FRMD4B: variants seen among roughly 807,000 people sequenced by gnomAD.
FRMD4B encodes the protein FERM domain containing 4B, also known as FERM domain-containing protein 4B.
FRMD4B carries 74 observed loss-of-function variants against 141.5 expected under a neutral mutation model. The ratio of observed to expected loss-of-function variants is 0.52; its 90% confidence interval spans 0.43 to 0.63. FRMD4B has a LOEUF of 0.63. Among genes scored for constraint, FRMD4B ranks in the 30% least tolerant of loss-of-function variants. The probability of loss-of-function intolerance (pLI) is 0.00; values close to 1 mark genes in which losing one functional copy is unlikely to be tolerated. For missense variants in FRMD4B, 1,366 were observed against 1,253.4 expected (o/e 1.09, Z -1.36); for synonymous variants, 506 against 467.9 (o/e 1.08, Z -1.05).
At chr3:69,278,656 G>A (rs1266214231) in intron 5 of FRMD4B, among the ~76,000 whole-genome samples, 2 of 148,564 alleles carry the variant, frequency 1.3e-5, no homozygotes, top group Non-Finnish European at 3.0e-5. Context: ...GCGCAATCTC[G>A]GCTTACTGCA....
intron 7 of FRMD4B, among the ~76,000 whole-genome samples, chr3:69,230,892 A>G (rs1483433336): frequency 6.6e-6 from 1 of 152,238 alleles, no homozygotes; most frequent in African/African-American, 2.4e-5. Flanking sequence ...TACACACATC[A>G]TGAATGTCAC....
Position 69,486,643 on chromosome 3 carries a change from T to C in FRMD4B, c.-128-53882A>G, listed in dbSNP as rs1706220675. ...TGGAAAGAAAAGGGGGGAAAATGTT[T>C]ATAAGGAGAAGGGAGAGACAGTGGC... On this transcript the variant is annotated intron_variant, in intron 1 of 5. Transcript: ENST00000459638. Among the ~76,000 whole-genome samples the C allele has an allele frequency of 1.3e-5, 2 of 152,092 alleles. 1 individual carries two copies. The highest frequency in any genetic ancestry group is 4.1e-4 in the South Asian group (2 of 4,832).
In FRMD4B at chr3:69,245,834, G is replaced by GTTTTTTTT. The variant is rs1183774603; in HGVS notation, c.581+3384_581+3391dup. ...GTCTGCGAACGTGCCAGGCTAATTT[G>GTTTTTTTT]TTTTTTTTTTTTTTTTTTTTTTGAG... On this transcript the variant is annotated intron_variant, in intron 7 of 22. Transcript: ENST00000398540. Among the ~76,000 whole-genome samples, 33 of 78,342 alleles carry GTTTTTTTT rather than the reference G, an allele frequency of 4.2e-4. 1 individual carries two copies. Among genetic ancestry groups the GTTTTTTTT allele is most frequent in the Non-Finnish European group, 5.5e-4 (23 of 42,134 alleles). 51.4% of individuals were successfully genotyped at this position (78,342 alleles called of 152,430 possible).
intron 7 of FRMD4B, among the ~76,000 whole-genome samples, chr3:69,229,550 G>C (rs188672857): frequency 5.3e-5 from 8 of 152,146 alleles, no homozygotes; most frequent in Non-Finnish European, 1.2e-4. Flanking sequence ...CACTAAAAGA[G>C]AAAGCCAGCA....
intron 2 of FRMD4B, among the ~76,000 whole-genome samples, chr3:69,423,080 C>G (rs1192387597): frequency 6.6e-6 from 1 of 152,210 alleles, no homozygotes; most frequent in Non-Finnish European, 1.5e-5. Context: ...AGTCAGTCCT[C>G]ATTATTTACA....
chr3:69,219,089 C>A (rs571637689), intron 9 of FRMD4B, among the ~76,000 whole-genome samples: 2 of 145,416 alleles, frequency 1.4e-5, no homozygotes, highest in Non-Finnish European at 3.0e-5. Context: ...TGCTTGAATT[C>A]GGGAGGTGGA....
chr3:69,189,273 A>C (rs1365008432), intron 18 of FRMD4B, among the ~76,000 whole-genome samples: 1 of 151,472 alleles, frequency 6.6e-6, no homozygotes, highest in East Asian at 1.9e-4. Context: ...AAATGTATTG[A>C]ACAAATACAG....
At chr3:69,516,671 A>G (rs1246078224) in intron 1 of FRMD4B, among the ~76,000 whole-genome samples, 5 of 152,246 alleles carry the variant, frequency 3.3e-5, no homozygotes, top group Admixed American at 3.3e-4. Flanking sequence ...GTAATTTGTC[A>G]TGGTAGCAAT....
upstream of FRMD4B, among the ~76,000 whole-genome samples, chr3:69,389,129 G>A (rs542617488): frequency 4.6e-5 from 7 of 151,406 alleles, no homozygotes; most frequent in South Asian, 1.5e-3. Context: ...CGCCTCCCGG[G>A]TTCAAGTGAT....
chr3:69,498,439 TGA>T (rs567977140), intron 1 of FRMD4B, among the ~76,000 whole-genome samples: 14 of 151,084 alleles, frequency 9.3e-5, no homozygotes, highest in African/African-American at 1.7e-4. Context: ...TGTGTGTGCA[TGA>T]GAGAGAGAGA....
chr3:69,233,155 C>T (rs1243575858), intron 7 of FRMD4B, among the ~76,000 whole-genome samples: 3 of 151,982 alleles, frequency 2.0e-5, no homozygotes, highest in Non-Finnish European at 2.9e-5. Flanking sequence ...ATGGAAACAG[C>T]TACAGAAGCT....
chr3:69,427,658 T>G (rs1285592995), intron 2 of FRMD4B, among the ~76,000 whole-genome samples: 28 of 127,058 alleles, frequency 2.2e-4, no homozygotes, highest in Non-Finnish European at 3.8e-4. Flanking sequence ...TTTTTTTTTT[T>G]TTTTTTTTTT....
At chr3:69,265,822 A>G (rs1412623405) in intron 5 of FRMD4B, among the ~76,000 whole-genome samples, 1 of 152,052 alleles carries the variant, frequency 6.6e-6, no homozygotes, top group Non-Finnish European at 1.5e-5. Flanking sequence ...ACCATTCTCC[A>G]CTAAAAGGAA....
At chr3:69,356,453 G>A (rs931419180) in intron 1 of FRMD4B, among the ~76,000 whole-genome samples, 1 of 151,974 alleles carries the variant, frequency 6.6e-6, no homozygotes, top group African/African-American at 2.4e-5. Flanking sequence ...TGGAATATCA[G>A]ACTCCAAGTT....
At chr3:69,449,922 G>T (rs1447490382) in intron 1 of FRMD4B, among the ~76,000 whole-genome samples, 1 of 152,140 alleles carries the variant, frequency 6.6e-6, no homozygotes, top group Non-Finnish European at 1.5e-5. Flanking sequence ...GCTGCTTCTG[G>T]AGTCATATAT....
intron 7 of FRMD4B, among the ~76,000 whole-genome samples, chr3:69,232,914 GTTTTTTT>G (rs58551547): frequency 7.8e-6 from 1 of 128,820 alleles, no homozygotes. Flanking sequence ...TTTGTTGTTT[GTTTTTTT>G]TTTTTTTTTT....
intron 1 of FRMD4B, among the ~76,000 whole-genome samples, chr3:69,323,383 A>G (rs910946481): frequency 4.6e-5 from 7 of 151,854 alleles, no homozygotes; most frequent in African/African-American, 7.3e-5. Flanking sequence ...CCTGGCCAAT[A>G]TGGTGAAACC....
At chr3:69,491,794 G>A (rs1706304457) in intron 1 of FRMD4B, among the ~76,000 whole-genome samples, 1 of 152,180 alleles carries the variant, frequency 6.6e-6, no homozygotes, top group Non-Finnish European at 1.5e-5. Flanking sequence ...GAGGAATGAA[G>A]ACCAAGTTCA....
At chr3:69,532,102 G>A (rs1701016751) in intron 1 of FRMD4B, among the ~76,000 whole-genome samples, 1 of 152,184 alleles carries the variant, frequency 6.6e-6, no homozygotes, top group South Asian at 2.1e-4. Flanking sequence ...AAGGGCACAT[G>A]GTTTTCATTA....
Sources: allele counts gnomAD v4.1 joint callset (sites outside exome capture counted in the v4.1 genomes callset), GRCh38; gene constraint gnomAD v4.1.1; transcripts MANE v1.5; gene names NCBI Gene and HGNC (gene_info 2026-07-23, HGNC 2026-07-21).